SYNE2: variants seen among roughly 807,000 people sequenced by gnomAD.
The protein encoded by SYNE2 is spectrin repeat containing nuclear envelope protein 2.
Under a neutral mutation model 856.3 loss-of-function variants are expected in SYNE2, and 431 were observed. The observed-to-expected ratio is 0.50, with a 90% confidence interval of 0.47 to 0.55. The LOEUF (loss-of-function observed/expected upper bound fraction) is 0.55, where lower values mean the gene tolerates loss of function less well. SYNE2 is among the 20% of genes least tolerant of loss of function. The probability of loss-of-function intolerance (pLI) is 0.00; values close to 1 mark genes in which losing one functional copy is unlikely to be tolerated. For synonymous variants in SYNE2, 2,923 were observed against 2,872.3 expected, an observed-to-expected ratio of 1.02 and a Z score of -0.56; for missense variants, 8,129 against 8,023.2, an observed-to-expected ratio of 1.01 and a Z score of -0.50.
intron 50 of SYNE2, among the ~76,000 whole-genome samples, chr14:64,065,171 C>T (rs1419358341): frequency 6.6e-6 from 1 of 152,044 alleles, no homozygotes; most frequent in African/African-American, 2.4e-5. Flanking sequence ...CAAATATTTG[C>T]TTTTGAAAGT....
chr14:64,044,299 C>G (rs908945769), intron 45 of SYNE2, among the ~76,000 whole-genome samples: 2 of 152,080 alleles, frequency 1.3e-5, no homozygotes, highest in Non-Finnish European at 2.9e-5. Flanking sequence ...GCCCTGTAAC[C>G]CCTTTGTTTT....
chr14:63,790,104 G>A (rs1887678575), intron 1 of SYNE2, among the ~76,000 whole-genome samples: 1 of 152,108 alleles, frequency 6.6e-6, no homozygotes, highest in Admixed American at 6.6e-5. Flanking sequence ...GCCCAAGGTG[G>A]GCCAATTAAT....
At chr14:64,062,683 G>T in intron 49 of SYNE2, 68 bp from the exon 50 acceptor site, 1 of 1,404,400 alleles carries the variant, frequency 7.1e-7, no homozygotes, top group South Asian at 1.2e-5. Flanking sequence ...TATTTATTCT[G>T]GGAAATTTTG....
intron 99 of SYNE2, among the ~76,000 whole-genome samples, chr14:64,195,346 C>T (rs916345913): frequency 2.0e-5 from 3 of 152,130 alleles, no homozygotes; most frequent in African/African-American, 7.2e-5. Flanking sequence ...ATGTCATGAA[C>T]AAATGTCATC....
intron 74 of SYNE2, 57 bp from the exon 75 acceptor site, chr14:64,129,725 T>C: frequency 6.2e-7 from 1 of 1,610,442 alleles, no homozygotes; most frequent in South Asian, 1.1e-5. Context: ...TAGATAACTA[T>C]GTGTACTTCT....
chr14:64,027,905 T>C, intron 43 of SYNE2, 112 bp downstream of exon 43: 3 of 896,686 alleles, frequency 3.3e-6, no homozygotes, highest in Non-Finnish European at 5.1e-6. Flanking sequence ...TTTATTTTAT[T>C]TTATTTTATT....
At chr14:63,883,448 C>T (rs1394908225) in intron 1 of SYNE2, among the ~76,000 whole-genome samples, 1 of 152,086 alleles carries the variant, frequency 6.6e-6, no homozygotes, top group Non-Finnish European at 1.5e-5. Flanking sequence ...GCCTTGATCA[C>T]CAGGCTCAGA....
At chr14:64,021,776 A>G in intron 36 of SYNE2, 81 bp from the exon 37 acceptor site, 2 of 1,497,460 alleles carry the variant, frequency 1.3e-6, no homozygotes, top group Non-Finnish European at 1.9e-6. Flanking sequence ...AGATTTTTAC[A>G]AAACAATTGA....
chr14:64,097,726 T>C (rs920792234), intron 61 of SYNE2, among the ~76,000 whole-genome samples: 2 of 152,352 alleles, frequency 1.3e-5, no homozygotes, highest in Middle Eastern at 3.4e-3. Context: ...TCACAAGGTC[T>C]CTGGTAAGGC....
upstream of SYNE2, among the ~76,000 whole-genome samples, chr14:63,849,402 C>T: frequency 6.6e-6 from 1 of 151,658 alleles, no homozygotes; most frequent in East Asian, 1.9e-4. Context: ...TTTAAATTCA[C>T]TTACCCATCT....
At chr14:64,129,102 A>G (rs1325893849) in intron 74 of SYNE2, among the ~76,000 whole-genome samples, 1 of 152,112 alleles carries the variant, frequency 6.6e-6, no homozygotes, top group Non-Finnish European at 1.5e-5. Context: ...GAAGCCAGGA[A>G]TTTAAGACCA....
At chr14:63,894,891 T>A (rs2095219307) in intron 1 of SYNE2, among the ~76,000 whole-genome samples, 1 of 152,128 alleles carries the variant, frequency 6.6e-6, no homozygotes, top group South Asian at 2.1e-4. Context: ...GTGATACACG[T>A]TTAGTTCAAG....
chr14:64,138,927 TGTGTGTGTGTGTATGTATG>T (rs1382718809), intron 79 of SYNE2, among the ~76,000 whole-genome samples: 26 of 144,084 alleles, frequency 1.8e-4, no homozygotes, highest in Admixed American at 5.5e-4. Flanking sequence ...TGTGTGTGTG[TGTGTGTGTGTGTATGTATG>T]GTGTGTGTGT....
intron 79 of SYNE2, 120 bp downstream of exon 79, chr14:64,138,103 T>A: frequency 1.7e-6 from 2 of 1,162,022 alleles, no homozygotes; most frequent in Non-Finnish European, 2.5e-6. Flanking sequence ...TTGGGCAGTC[T>A]AAAGCAGTTG....
intron 1 of SYNE2, among the ~76,000 whole-genome samples, chr14:63,792,231 G>T (rs1346213907): frequency 6.6e-6 from 1 of 152,116 alleles, no homozygotes; most frequent in Admixed American, 6.6e-5. Context: ...TAGATTCAAA[G>T]ATATAATGTA....
At chr14:63,904,021 A>G (rs932490604) in intron 1 of SYNE2, among the ~76,000 whole-genome samples, 3 of 151,748 alleles carry the variant, frequency 2.0e-5, no homozygotes, top group African/African-American at 7.3e-5. Context: ...TCCCATGTTT[A>G]TGTCTATGTG....
At chr14:63,861,997 A>G (rs1893861023) in intron 1 of SYNE2, among the ~76,000 whole-genome samples, 2 of 152,322 alleles carry the variant, frequency 1.3e-5, no homozygotes, top group Admixed American at 6.5e-5. Context: ...AATCCTGTCA[A>G]TCTGGTTTTA....
At position 63,991,215 on chromosome 14, in the gene SYNE2, AC is replaced by A. The variant is rs1484553413; in HGVS notation, c.2646+101del. The A allele has an allele frequency of 3.3e-6, 4 of 1,194,098 alleles. No individual in the cohort carries two copies. In the African/African-American group the frequency reaches 4.5e-5, roughly 14 times the overall value. 74.0% of individuals were successfully genotyped at this position (1,194,098 alleles called of 1,614,324 possible). A position where few individuals can be genotyped will look rare whatever the true frequency, so the allele number is the denominator to read the frequency against. ...CTTCACTGTAATTATATACTGAGTT[AC>A]TGTAACTTAAAAAGAATTTCCCAGT... On this transcript the variant is annotated intron_variant, in intron 21 of 115. Transcript: ENST00000555002.
intron 8 of SYNE2, among the ~76,000 whole-genome samples, chr14:63,958,156 C>T (rs1282932314): frequency 1.3e-5 from 2 of 152,184 alleles, no homozygotes; most frequent in African/African-American, 2.4e-5. Flanking sequence ...CCCCTATTAA[C>T]ATCTTACATT....
Sources: allele counts gnomAD v4.1 joint callset (sites outside exome capture counted in the v4.1 genomes callset), GRCh38; gene constraint gnomAD v4.1.1; transcripts MANE v1.5; gene names NCBI Gene and HGNC (gene_info 2026-07-23, HGNC 2026-07-21).